Variants in NRG1 observed in about 807,000 individuals in gnomAD.
NRG1 encodes neuregulin 1, also known as pro-neuregulin-1, membrane-bound isoform.
A neutral mutation model predicts 63.8 loss-of-function variants in NRG1; 18 were observed. The observed-to-expected ratio is 0.28, with a 90% CI of 0.19 to 0.42. The LOEUF (loss-of-function observed/expected upper bound fraction) is 0.42, where lower values mean the gene tolerates loss of function less well. Among genes scored for constraint, NRG1 ranks in the 10% least tolerant of loss-of-function variants. The pLI is 1.00. For synonymous variants in NRG1, 302 were observed against 301.3 expected (o/e 1.00, Z -0.02); for missense variants, 762 against 814.7 (o/e 0.94, Z 0.79).
At chr8:32,753,510 T>G (rs1000158141) in intron 7 of NRG1, among the ~76,000 whole-genome samples, 3 of 152,258 alleles carry the variant, frequency 2.0e-5, no homozygotes, top group Admixed American at 2.0e-4. Context: ...CGTAGGAATG[T>G]GCACTCTATT....
intron 1 of NRG1, among the ~76,000 whole-genome samples, chr8:31,953,047 G>A (rs1325875934): frequency 6.6e-6 from 1 of 151,898 alleles, no homozygotes; most frequent in Non-Finnish European, 1.5e-5. Context: ...GCAATAATTT[G>A]TAGGTTTGGG....
intron 6 of NRG1, among the ~76,000 whole-genome samples, chr8:32,732,529 C>A (rs1215013992): frequency 6.6e-6 from 1 of 152,020 alleles, no homozygotes; most frequent in Non-Finnish European, 1.5e-5. Flanking sequence ...TTTAAACTAC[C>A]AATTTTGGTG....
At chr8:32,684,011 A>C (rs76165614) in intron 5 of NRG1, among the ~76,000 whole-genome samples, 2,918 of 152,132 alleles carry the variant, frequency 0.019, 106 homozygotes, top group African/African-American at 0.067. Context: ...CCTGGCCAAC[A>C]TGGTGAAACC....
intron 1 of NRG1, among the ~76,000 whole-genome samples, chr8:31,713,030 T>C (rs1378932593): frequency 6.6e-6 from 1 of 151,506 alleles, no homozygotes; most frequent in Non-Finnish European, 1.5e-5. Context: ...TCCATCCTTC[T>C]TTCTTTTCTG....
intron 1 of NRG1, among the ~76,000 whole-genome samples, chr8:32,186,776 C>T (rs1225882833): frequency 6.6e-6 from 1 of 152,214 alleles, no homozygotes; most frequent in Non-Finnish European, 1.5e-5. Flanking sequence ...CTGAAGTCTG[C>T]TATGATCATC....
intron 1 of NRG1, among the ~76,000 whole-genome samples, chr8:32,517,896 T>C (rs1005170746): frequency 6.6e-6 from 1 of 152,150 alleles, no homozygotes; most frequent in Non-Finnish European, 1.5e-5. Context: ...TATTACCATA[T>C]TAACATGTAA....
intron 1 of NRG1, among the ~76,000 whole-genome samples, chr8:31,809,866 C>T (rs1021644514): frequency 6.7e-6 from 1 of 149,868 alleles, no homozygotes; most frequent in Non-Finnish European, 1.5e-5. Flanking sequence ...GGGTCAGATC[C>T]CCTCATCTAG....
At chr8:32,527,323 A>G (rs1403289637) in intron 1 of NRG1, among the ~76,000 whole-genome samples, 1 of 150,716 alleles carries the variant, frequency 6.6e-6, no homozygotes, top group Non-Finnish European at 1.5e-5. Context: ...ACCGTGGAAT[A>G]CTACTAAGCC....
intron 1 of NRG1, among the ~76,000 whole-genome samples, chr8:32,454,124 G>A (rs1563486148): frequency 1.3e-5 from 2 of 152,334 alleles, no homozygotes; most frequent in South Asian, 4.1e-4. Context: ...TTGCTGCTGA[G>A]TAAGTTGTGA....
chr8:31,961,487 C>T (rs1805443425), intron 1 of NRG1, among the ~76,000 whole-genome samples: 1 of 152,108 alleles, frequency 6.6e-6, no homozygotes, highest in South Asian at 2.1e-4. Flanking sequence ...AAAAATTCTA[C>T]CTGAAATACT....
intron 1 of NRG1, among the ~76,000 whole-genome samples, chr8:32,566,359 A>G (rs928381609): frequency 1.3e-5 from 2 of 149,642 alleles, no homozygotes; most frequent in African/African-American, 5.0e-5. Context: ...AAAAAAAAAA[A>G]GACAGCATGT....
At chr8:32,625,965 T>G (rs910826398) in intron 5 of NRG1, among the ~76,000 whole-genome samples, 2 of 151,990 alleles carry the variant, frequency 1.3e-5, no homozygotes, top group African/African-American at 2.4e-5. Flanking sequence ...GGCTAATTTT[T>G]GTATTATTAG....
chr8:32,198,793 T>A (rs1003082970), intron 1 of NRG1, among the ~76,000 whole-genome samples: 5 of 152,160 alleles, frequency 3.3e-5, no homozygotes, highest in Admixed American at 2.0e-4. Flanking sequence ...CTAAACTATG[T>A]TGTTTTCCTA....
At chr8:32,088,620 C>T (rs1293021246) in intron 1 of NRG1, among the ~76,000 whole-genome samples, 2 of 151,186 alleles carry the variant, frequency 1.3e-5, no homozygotes, top group African/African-American at 2.4e-5. Flanking sequence ...TGGGTTCAAG[C>T]GATTTTTCTG....
chr8:32,637,403 C>T (rs1169596262), intron 5 of NRG1, among the ~76,000 whole-genome samples: 6 of 151,944 alleles, frequency 3.9e-5, no homozygotes, highest in African/African-American at 7.3e-5. Context: ...ATATTTGGAC[C>T]GAGGGTTTTC....
chr8:32,383,726 G>T (rs1810641206), intron 1 of NRG1, among the ~76,000 whole-genome samples: 1 of 152,170 alleles, frequency 6.6e-6, no homozygotes. Context: ...TGATGGATTG[G>T]TCCGTCATGC....
intron 5 of NRG1, among the ~76,000 whole-genome samples, chr8:32,650,949 G>T (rs796318368): frequency 1.2e-4 from 19 of 152,086 alleles, no homozygotes; most frequent in African/African-American, 4.3e-4. Flanking sequence ...AAGGCTAATT[G>T]ATTCTTCTTT....
At chr8:31,942,373 T>C (rs1801881467) in intron 1 of NRG1, among the ~76,000 whole-genome samples, 1 of 152,132 alleles carries the variant, frequency 6.6e-6, no homozygotes. Context: ...TCTTATCCTA[T>C]GCAAAAATCA....
intron 5 of NRG1, chr8:32,721,966 T>A (rs1820754670): frequency 1.3e-6 from 2 of 1,544,796 alleles, no homozygotes; most frequent in South Asian, 1.2e-5. Context: ...AATAATAATT[T>A]CAGATTTTTT....
Sources: allele counts gnomAD v4.1 joint callset (sites outside exome capture counted in the v4.1 genomes callset), GRCh38; gene constraint gnomAD v4.1.1; transcripts MANE v1.5; gene names NCBI Gene and HGNC (gene_info 2026-07-23, HGNC 2026-07-21).